GMDS: variants seen among roughly 807,000 people sequenced by gnomAD.
GMDS encodes the protein GDP-mannose 4,6-dehydratase.
A neutral mutation model predicts 49.9 loss-of-function variants in GMDS; 20 were observed. The observed-to-expected ratio is 0.40, with a 90% CI of 0.28 to 0.58. GMDS has a LOEUF of 0.58. Ranked by LOEUF, GMDS falls within the 20% of genes least tolerant of loss-of-function variation. GMDS has a pLI of 0.42. For synonymous variants in GMDS, 177 were observed against 178.6 expected, an observed-to-expected ratio of 0.99 and a Z score of 0.07; for missense variants, 362 against 481.4, an observed-to-expected ratio of 0.75 and a Z score of 2.32.
chr6:1,933,039 T>C (rs1762369122), intron 6 of GMDS, among the ~76,000 whole-genome samples: 1 of 152,210 alleles, frequency 6.6e-6, no homozygotes, highest in African/African-American at 2.4e-5. Flanking sequence ...TCACCAGTTT[T>C]CTCCTAGTAC....
At chr6:1,992,046 A>C (rs866826606) in intron 4 of GMDS, among the ~76,000 whole-genome samples, 2 of 152,240 alleles carry the variant, frequency 1.3e-5, no homozygotes, top group Admixed American at 6.5e-5. Flanking sequence ...CCCTGCTGAC[A>C]CCTTAGTTTT....
At position 1,635,864 on chromosome 6, in the gene GMDS, C is replaced by T. The variant is rs1409426003; in HGVS notation, c.988-11324G>A. Reference sequence around the variant, plus strand: ...CAAGCAGGGCCCAGCCTCGGCACCTCCAGCACTGCGTCTGGGAGCTGCTCT... The same window carrying T: ...CAAGCAGGGCCCAGCCTCGGCACCTTCAGCACTGCGTCTGGGAGCTGCTCT... On this transcript the variant is annotated intron_variant, in intron 9 of 10. Coordinates refer to ENST00000380815, the MANE Select transcript of GMDS (RefSeq NM_001500.4). The surrounding 1 kb of genome is among the most constrained non-coding windows in gnomAD (Gnocchi z 4.7). 6.6e-6 allele frequency among the ~76,000 whole-genome samples: 1 copy of T among 152,212 alleles called. No individual in the cohort carries two copies. The highest frequency in any genetic ancestry group is 1.5e-5 in the Non-Finnish European group (1 of 68,040).
intron 9 of GMDS, among the ~76,000 whole-genome samples, chr6:1,627,960 A>C (rs566967336): frequency 6.6e-6 from 1 of 152,342 alleles, no homozygotes; most frequent in Non-Finnish European, 1.5e-5. Flanking sequence ...TGAGCATTTC[A>C]CAGCAGCAAA....
At chr6:1,837,728 A>T (rs1378831898) in intron 7 of GMDS, among the ~76,000 whole-genome samples, 2 of 152,196 alleles carry the variant, frequency 1.3e-5, no homozygotes, top group African/African-American at 4.8e-5. Flanking sequence ...ATATTCTTTC[A>T]GGCTAATGAA....
chr6:2,000,006 ATATTTTT>A lies in GMDS; in HGVS notation c.346-39047_346-39041del, dbSNP rs1338632061. 2.0e-3 allele frequency among the ~76,000 whole-genome samples: 16 copies of A among 8,070 alleles called. 2 individuals carry two copies. Among genetic ancestry groups the A allele is most frequent in the African/African-American group, 3.6e-3 (15 of 4,112 alleles). The allele number at this position is 8,070 out of a possible 152,430, so 5.3% of individuals were successfully genotyped here. On this transcript the variant is annotated intron_variant, in intron 4 of 10. Coordinates refer to ENST00000380815, the MANE Select transcript of GMDS (RefSeq NM_001500.4). Reference sequence around the variant, plus strand: ...TTTTATATATATATATTATATATATATATTTTTTATATATATATATATCTATATCTTT... The same window carrying A: ...TTTTATATATATATATTATATATATATATATATATATATATCTATATCTTT...
chr6:2,224,291 C>T lies in GMDS; in HGVS notation c.102+21030G>A, dbSNP rs1225174083. ...CCGTTGTGGAACCCTAGAAATTATC[C>T]ACCCTTATTGACACAGGTGTTGGGT... On this transcript the variant is annotated intron_variant, in intron 1 of 10. Transcript: ENST00000380815. Among the ~76,000 whole-genome samples the T allele has an allele frequency of 9.9e-5, 15 of 152,158 alleles. 1 individual carries two copies.
intron 1 of GMDS, among the ~76,000 whole-genome samples, chr6:2,163,242 C>A (rs1038729096): frequency 6.6e-6 from 1 of 152,140 alleles, no homozygotes; most frequent in Non-Finnish European, 1.5e-5. Flanking sequence ...GAAATCCTGT[C>A]ATCTGCCTTG....
intron 9 of GMDS, among the ~76,000 whole-genome samples, chr6:1,676,805 G>T (rs1764638820): frequency 6.6e-6 from 1 of 152,260 alleles, no homozygotes; most frequent in Middle Eastern, 3.4e-3. Context: ...AGACTTAAAT[G>T]TTAGACCTAA....
chr6:1,861,937 A>C (rs1269321933), intron 7 of GMDS, among the ~76,000 whole-genome samples: 1 of 152,250 alleles, frequency 6.6e-6, no homozygotes, highest in African/African-American at 2.4e-5. Flanking sequence ...TTAAAATCTG[A>C]ACTGAAAGCA....
chr6:2,050,629 A>G (rs1489516959), intron 4 of GMDS, among the ~76,000 whole-genome samples: 2 of 152,210 alleles, frequency 1.3e-5, no homozygotes, highest in African/African-American at 2.4e-5. Context: ...AAAAACCTCA[A>G]TAAAATACTG....
chr6:2,195,207 T>A (rs189698817), intron 1 of GMDS, among the ~76,000 whole-genome samples: 192 of 152,346 alleles, frequency 1.3e-3, no homozygotes, highest in Non-Finnish European at 2.1e-3. Context: ...TTTTCCTTTT[T>A]CTTCTTCTGT....
chr6:1,743,840 CAAA>C (rs397702222), intron 7 of GMDS, among the ~76,000 whole-genome samples: 1 of 149,902 alleles, frequency 6.7e-6, no homozygotes, highest in South Asian at 2.1e-4. Context: ...TGAAGCAAAA[CAAA>C]AAAAAATCAA....
chr6:2,044,577 G>A (rs991846912), intron 4 of GMDS, among the ~76,000 whole-genome samples: 6 of 152,160 alleles, frequency 3.9e-5, no homozygotes, highest in African/African-American at 9.7e-5. Context: ...TGGAGGGTGA[G>A]AGGAGGGAGA....
intron 9 of GMDS, among the ~76,000 whole-genome samples, chr6:1,716,543 C>T (rs1280814046): frequency 1.3e-5 from 2 of 152,196 alleles, no homozygotes; most frequent in Non-Finnish European, 2.9e-5. Context: ...TAAGCTGCTG[C>T]ACAGACAGGC....
At chr6:1,933,492 G>A (rs1172642000) in intron 6 of GMDS, among the ~76,000 whole-genome samples, 1 of 152,230 alleles carries the variant, frequency 6.6e-6, no homozygotes, top group East Asian at 1.9e-4. Context: ...CACCAGCAGG[G>A]TAACAGGGCT....
chr6:1,653,786 C>A (rs1440370881), intron 9 of GMDS, among the ~76,000 whole-genome samples: 2 of 152,164 alleles, frequency 1.3e-5, no homozygotes, highest in Non-Finnish European at 2.9e-5. Flanking sequence ...TTACATCGTA[C>A]ATAAAAGTCA....
intron 4 of GMDS, among the ~76,000 whole-genome samples, chr6:2,018,862 T>C (rs563603316): frequency 6.6e-6 from 1 of 152,282 alleles, no homozygotes; most frequent in South Asian, 2.1e-4. Flanking sequence ...AGGGATGGAA[T>C]TGCTGGGGTA....
chr6:2,041,531 C>A (rs908515520), intron 4 of GMDS, among the ~76,000 whole-genome samples: 2 of 152,186 alleles, frequency 1.3e-5, no homozygotes, highest in Admixed American at 1.3e-4. Context: ...TGAACTGTTT[C>A]GACTTTTAAA....
chr6:1,987,423 T>G lies in GMDS; in HGVS notation c.346-26457A>C, dbSNP rs150059954. On this transcript the variant is annotated intron_variant, in intron 4 of 10. Coordinates refer to ENST00000380815, the MANE Select transcript of GMDS (RefSeq NM_001500.4). ...TTTTCAGTTTTTGCTTAAGACACAT[T>G]GAGTATTTGCAAAACTATCACTTGA... 2.2e-3 allele frequency among the ~76,000 whole-genome samples: 330 copies of G among 152,310 alleles called. 1 individual carries two copies. Among genetic ancestry groups the G allele is most frequent in the African/African-American group, 7.6e-3 (315 of 41,570 alleles).
Sources: gnomAD v4.1 joint callset for allele counts (sites outside exome capture counted in the v4.1 genomes callset) on GRCh38, gnomAD v4.1.1 for gene constraint, Gnocchi (gnomAD v3.1) non-coding constraint, MANE v1.5 for transcripts, NCBI Gene and HGNC (gene_info 2026-07-23, HGNC 2026-07-21) for gene names.